The following PEBP4 variants were observed in gnomAD, a reference collection of about 807,000 sequenced individuals.
PEBP4 encodes phosphatidylethanolamine binding protein 4.
A neutral mutation model predicts 23.9 loss-of-function variants in PEBP4; 22 were observed. The observed-to-expected ratio is 0.92, with a 90% confidence interval of 0.66 to 1.31. PEBP4 has a LOEUF of 1.31. PEBP4 is among the 40% of genes most tolerant of loss of function. The pLI, the probability that PEBP4 is intolerant of heterozygous loss-of-function variation, is 0.00. For missense variants in PEBP4, 324 were observed against 281.7 expected, an observed-to-expected ratio of 1.15 and a Z score of -1.07; for synonymous variants, 112 against 99.3, an observed-to-expected ratio of 1.13 and a Z score of -0.76.
intron 1 of PEBP4, among the ~76,000 whole-genome samples, chr8:22,933,060 C>T (rs1809484871): frequency 6.6e-6 from 1 of 151,942 alleles, no homozygotes; most frequent in African/African-American, 2.4e-5. Flanking sequence ...GTTCCACCTC[C>T]ACTGCCAGCA....
At chr8:22,837,730 T>C (rs751392767) in intron 3 of PEBP4, among the ~76,000 whole-genome samples, 1 of 152,128 alleles carries the variant, frequency 6.6e-6, no homozygotes, top group Admixed American at 6.6e-5. Context: ...ATCTCATCTA[T>C]GAATACTTCT....
At chr8:22,858,214 A>G (rs1325497457) in intron 3 of PEBP4, among the ~76,000 whole-genome samples, 2 of 151,996 alleles carry the variant, frequency 1.3e-5, no homozygotes, top group Non-Finnish European at 2.9e-5. Flanking sequence ...GGAATCGTTC[A>G]GCTTCCTGCA....
rs964779068 is a variant in PEBP4, at chr8:22,921,721, C to T, written c.132-1411G>A. On this transcript the variant is annotated intron_variant, in intron 2 of 6. Coordinates refer to ENST00000256404, the MANE Select transcript of PEBP4 (RefSeq NM_144962.3). ...CAAGTTTGTTTCTTCTAACTCTTTG[C>T]GCATTTACAGCAATTCTTGGTGGAT... is the stretch of plus-strand genomic sequence containing the variant. 5.9e-5 allele frequency among the ~76,000 whole-genome samples: 9 copies of T among 152,224 alleles called. No individual in the cohort carries two copies. The South Asian group carries it at 6.2e-4, about 11-fold the overall frequency.
chr8:22,746,384 G>C (rs943548804), intron 4 of PEBP4, among the ~76,000 whole-genome samples: 1 of 152,102 alleles, frequency 6.6e-6, no homozygotes, highest in Non-Finnish European at 1.5e-5. Flanking sequence ...GGCTGGTTGC[G>C]GTGTCTGTGA....
intron 3 of PEBP4, among the ~76,000 whole-genome samples, chr8:22,821,262 A>G (rs1230592784): frequency 6.6e-6 from 1 of 152,222 alleles, no homozygotes; most frequent in East Asian, 1.9e-4. Context: ...GATGAAAAGC[A>G]GAGCAAAAAA....
chr8:22,906,115 G>T (rs910117830), intron 3 of PEBP4, among the ~76,000 whole-genome samples: 7 of 152,160 alleles, frequency 4.6e-5, no homozygotes, highest in African/African-American at 1.4e-4. Context: ...CTCCAGAGAT[G>T]CAGGTCTTCA....
At chr8:22,799,303 G>T (rs1806334128) in intron 4 of PEBP4, among the ~76,000 whole-genome samples, 1 of 152,186 alleles carries the variant, frequency 6.6e-6, no homozygotes. Flanking sequence ...ACTGTTGCTT[G>T]GAGTTTGGGG....
chr8:22,717,859 C>G (rs2128747766), intron 6 of PEBP4, among the ~76,000 whole-genome samples: 1 of 152,304 alleles, frequency 6.6e-6, no homozygotes, highest in Admixed American at 6.5e-5. Flanking sequence ...GAGAGCCCGG[C>G]TCAGGTCTGT....
intron 3 of PEBP4, among the ~76,000 whole-genome samples, chr8:22,818,809 G>C (rs1007168724): frequency 1.3e-5 from 2 of 152,182 alleles, no homozygotes; most frequent in African/African-American, 4.8e-5. Flanking sequence ...ACAAATAGAT[G>C]GGTTGGGGGA....
intron 3 of PEBP4, among the ~76,000 whole-genome samples, chr8:22,823,409 G>A (rs1179930485): frequency 1.3e-5 from 2 of 151,720 alleles, no homozygotes; most frequent in Non-Finnish European, 2.9e-5. Context: ...TTATGCAATG[G>A]AACACTCTGT....
chr8:22,713,554 C>T lies in PEBP4; in HGVS notation c.518-18G>A, dbSNP rs1030817172. On this transcript the variant is annotated intron_variant, in intron 6 of 6. Transcript: ENST00000256404. ...CCAAGAGCCTGGAAGGACAAACAGA[C>T]CACAGGGAGGCAGTGAGAAAGAGCC... The T allele has an allele frequency of 1.2e-6, 2 of 1,613,914 alleles. No individual in the cohort carries two copies. The highest frequency in any genetic ancestry group is 1.1e-5 in the South Asian group (1 of 91,084).
At chr8:22,801,011 C>A (rs1014498921) in intron 4 of PEBP4, among the ~76,000 whole-genome samples, 1 of 152,144 alleles carries the variant, frequency 6.6e-6, no homozygotes, top group Non-Finnish European at 1.5e-5. Context: ...ACCCTCCCTG[C>A]CCATCCAGCC....
At chr8:22,903,527 T>C (rs1158695987) in intron 3 of PEBP4, among the ~76,000 whole-genome samples, 2 of 152,132 alleles carry the variant, frequency 1.3e-5, no homozygotes, top group Non-Finnish European at 2.9e-5. Context: ...AGTTCCTGAA[T>C]GGGGCTGCAG....
chr8:22,731,416 T>C (rs1804728797), intron 4 of PEBP4, among the ~76,000 whole-genome samples: 1 of 152,234 alleles, frequency 6.6e-6, no homozygotes, highest in South Asian at 2.1e-4. Context: ...ATTTTCTTAA[T>C]ACCATTTTCT....
At chr8:22,888,224 G>A (rs1357844347) in intron 3 of PEBP4, among the ~76,000 whole-genome samples, 1 of 149,228 alleles carries the variant, frequency 6.7e-6, no homozygotes, top group Non-Finnish European at 1.5e-5. Context: ...TATGATCGCA[G>A]CTCACTGCAA....
At chr8:22,833,354 T>C (rs1008428602) in intron 3 of PEBP4, among the ~76,000 whole-genome samples, 1 of 152,254 alleles carries the variant, frequency 6.6e-6, no homozygotes, top group East Asian at 1.9e-4. Flanking sequence ...TTTTTTGAGA[T>C]AGGGTCTTAT....
chr8:22,939,542 G>T (rs1809582043), intron 1 of PEBP4, among the ~76,000 whole-genome samples: 1 of 151,986 alleles, frequency 6.6e-6, no homozygotes, highest in African/African-American at 2.4e-5. Context: ...TTAAGTTCAT[G>T]AATGCTAGCA....
intron 4 of PEBP4, among the ~76,000 whole-genome samples, chr8:22,798,013 C>T (rs990793925): frequency 1.3e-5 from 2 of 151,954 alleles, no homozygotes; most frequent in South Asian, 2.1e-4. Context: ...AACAAGGCAG[C>T]GTGGAATCAG....
chr8:22,898,031 T>A (rs1808624671), intron 3 of PEBP4, among the ~76,000 whole-genome samples: 1 of 152,070 alleles, frequency 6.6e-6, no homozygotes, highest in Non-Finnish European at 1.5e-5. Context: ...AAAAACTGAA[T>A]CTTCTGGCAC....
Sources: gnomAD v4.1 joint callset for allele counts (sites outside exome capture counted in the v4.1 genomes callset) on GRCh38, gnomAD v4.1.1 for gene constraint, MANE v1.5 for transcripts, NCBI Gene and HGNC (gene_info 2026-07-23, HGNC 2026-07-21) for gene names.